FRMD4B: variants seen among roughly 807,000 people sequenced by gnomAD.
FRMD4B encodes the protein FERM domain-containing protein 4B.
FRMD4B carries 74 observed loss-of-function variants against 141.5 expected under a neutral mutation model. The observed-to-expected ratio is 0.52, with a 90% CI of 0.43 to 0.63. The LOEUF is 0.63. Ranked by LOEUF, FRMD4B falls within the 30% of genes least tolerant of loss-of-function variation. The pLI, the probability that FRMD4B is intolerant of heterozygous loss-of-function variation, is 0.00. For missense variants in FRMD4B, 1,366 were observed against 1,253.4 expected, an observed-to-expected ratio of 1.09 and a Z score of -1.36; for synonymous variants, 506 against 467.9, an observed-to-expected ratio of 1.08 and a Z score of -1.05.
rs1215932152 is a variant in FRMD4B at position 69,302,331 on chromosome 3, G to C, written c.416+12C>G. 1.4e-6 allele frequency: 2 copies of C among 1,477,926 alleles called. No individual in the cohort carries two copies. The highest frequency in any genetic ancestry group is 1.9e-6 in the Non-Finnish European group (2 of 1,059,180). 91.6% of individuals were successfully genotyped at this position (1,477,926 alleles called of 1,614,324 possible). Reference sequence around the variant, plus strand: ...AAAAAGAGGGATGCTAACTGGGTCTGTGGATACATACCTCACAGCAAAGTG... The same window carrying C: ...AAAAAGAGGGATGCTAACTGGGTCTCTGGATACATACCTCACAGCAAAGTG... On this transcript the variant is annotated intron_variant, in intron 4 of 22. Transcript: ENST00000398540.
At chr3:69,248,678 G>C (rs2093441345) in intron 7 of FRMD4B, among the ~76,000 whole-genome samples, 3 of 152,214 alleles carry the variant, frequency 2.0e-5, no homozygotes, top group African/African-American at 7.2e-5. Flanking sequence ...AGCAGGTAGA[G>C]GGTGAATTCA....
chr3:69,390,531 C>G (rs996994117), upstream of FRMD4B, among the ~76,000 whole-genome samples: 3 of 152,092 alleles, frequency 2.0e-5, no homozygotes, highest in African/African-American at 7.2e-5. Context: ...TGGAGAGCCC[C>G]CAGAGCAAAG....
chr3:69,517,407 A>C (rs1030376704), intron 1 of FRMD4B, among the ~76,000 whole-genome samples: 1 of 151,766 alleles, frequency 6.6e-6, no homozygotes, highest in African/African-American at 2.4e-5. Context: ...ATAAATAGAC[A>C]TCATAAAGAT....
At chr3:69,483,347 T>G (rs1266511021) in intron 1 of FRMD4B, among the ~76,000 whole-genome samples, 1 of 152,226 alleles carries the variant, frequency 6.6e-6, no homozygotes, top group Non-Finnish European at 1.5e-5. Context: ...GCTTCTTTCC[T>G]TCAGTCCAAG....
At chr3:69,506,351 C>T (rs1160327581) in intron 1 of FRMD4B, among the ~76,000 whole-genome samples, 1 of 151,884 alleles carries the variant, frequency 6.6e-6, no homozygotes, top group Non-Finnish European at 1.5e-5. Flanking sequence ...ACATAACAAC[C>T]ACCCACAAAG....
chr3:69,216,218 A>G (rs1217918500), intron 11 of FRMD4B, 45 bp downstream of exon 11: 15 of 986,562 alleles, frequency 1.5e-5, no homozygotes, highest in Non-Finnish European at 2.4e-5. Context: ...TGTGATTAAC[A>G]TGTTTTGAAC....
chr3:69,186,228 CTTTTTTTTTTCTTTTTCCT>C (rs2092765494), intron 19 of FRMD4B, among the ~76,000 whole-genome samples: 1 of 132,930 alleles, frequency 7.5e-6, no homozygotes, highest in Non-Finnish European at 1.6e-5. Flanking sequence ...TTGAACATTT[CTTTTTTTTTTCTTTTTCCT>C]TTTTTTTTTT....
chr3:69,395,717 T>A (rs1440951944), intron 2 of FRMD4B, among the ~76,000 whole-genome samples: 1 of 152,082 alleles, frequency 6.6e-6, no homozygotes, highest in Non-Finnish European at 1.5e-5. Context: ...AACTACAAAA[T>A]GAATTGTATA....
Position 69,269,193 on chromosome 3 carries a change from T to G in FRMD4B, c.501+18559A>C, listed in dbSNP as rs556939255. ...ACCCACCTGCCTCGGCCTCTCAGAG[T>G]GTTGGGATTACAGGCGTTAGCCACT... On this transcript the variant is annotated intron_variant, in intron 5 of 22. Coordinates refer to ENST00000398540, the MANE Select transcript of FRMD4B (RefSeq NM_015123.3). Among the ~76,000 whole-genome samples the G allele has an allele frequency of 2.3e-3, 348 of 151,778 alleles. 4 individuals carry two copies. Among genetic ancestry groups the G allele is most frequent in the African/African-American group, 8.1e-3 (332 of 41,164 alleles).
chr3:69,453,119 G>T (rs886353719), intron 1 of FRMD4B, among the ~76,000 whole-genome samples: 1 of 152,198 alleles, frequency 6.6e-6, no homozygotes, highest in Non-Finnish European at 1.5e-5. Flanking sequence ...GGGGATGGGA[G>T]AGTTTATTGA....
chr3:69,483,574 A>G (rs912152715), intron 1 of FRMD4B, among the ~76,000 whole-genome samples: 6 of 152,198 alleles, frequency 3.9e-5, no homozygotes, highest in Admixed American at 1.3e-4. Context: ...ACTGGAAAAT[A>G]TGGGACCATA....
intron 7 of FRMD4B, chr3:69,228,605 T>A (rs1266055211): frequency 2.5e-6 from 1 of 401,674 alleles, no homozygotes; most frequent in African/African-American, 2.1e-5. Flanking sequence ...GAGACTGAGC[T>A]GGGAGGATCT....
At chr3:69,436,373 G>A (rs1705258929) in intron 1 of FRMD4B, among the ~76,000 whole-genome samples, 1 of 152,098 alleles carries the variant, frequency 6.6e-6, no homozygotes, top group African/African-American at 2.4e-5. Context: ...AAAAACTGTA[G>A]GATAAACCAC....
At chr3:69,273,479 A>C (rs1575680271) in intron 5 of FRMD4B, among the ~76,000 whole-genome samples, 4 of 152,334 alleles carry the variant, frequency 2.6e-5, no homozygotes, top group Admixed American at 2.0e-4. Context: ...ATTAAATTTC[A>C]AGGTTATAAG....
At chr3:69,302,297 T>C (rs973052887) in intron 4 of FRMD4B, 46 bp downstream of exon 4, 1 of 1,022,750 alleles carries the variant, frequency 9.8e-7, no homozygotes, top group African/African-American at 1.6e-5. Flanking sequence ...AACCCAAAAA[T>C]AACAGCAAAA....
intron 7 of FRMD4B, among the ~76,000 whole-genome samples, chr3:69,231,932 ATCTG>A (rs1165440437): frequency 6.6e-6 from 1 of 152,200 alleles, no homozygotes; most frequent in East Asian, 1.9e-4. Flanking sequence ...CTCCCGGGGA[ATCTG>A]TCTGGGAGCC....
chr3:69,482,925 G>A (rs888874803), intron 1 of FRMD4B, among the ~76,000 whole-genome samples: 2 of 118,904 alleles, frequency 1.7e-5, no homozygotes, highest in African/African-American at 2.9e-5. Context: ...TCTACCCCCT[G>A]TTGTACAGAA....
At chr3:69,220,830 G>C (rs1468262399) in intron 9 of FRMD4B, among the ~76,000 whole-genome samples, 4 of 152,080 alleles carry the variant, frequency 2.6e-5, no homozygotes, top group Admixed American at 6.6e-5. Context: ...CTCCAGCCTG[G>C]GTGACAGAGC....
chr3:69,434,167 T>C (rs1019355328), intron 1 of FRMD4B, among the ~76,000 whole-genome samples: 3 of 152,212 alleles, frequency 2.0e-5, no homozygotes, highest in African/African-American at 7.2e-5. Flanking sequence ...AATCCCTTGC[T>C]TCTTTAGTGG....
Sources: gnomAD v4.1 joint callset for allele counts (sites outside exome capture counted in the v4.1 genomes callset) on GRCh38, gnomAD v4.1.1 for gene constraint, MANE v1.5 for transcripts, NCBI Gene and HGNC (gene_info 2026-07-23, HGNC 2026-07-21) for gene names.